The following MGMT variants were observed in gnomAD, a reference collection of about 807,000 sequenced individuals.
The protein encoded by MGMT is O-6-methylguanine-DNA methyltransferase.
Under a neutral mutation model 15.9 loss-of-function variants are expected in MGMT, and 14 were observed. That is an observed-to-expected ratio of 0.88 (90% CI 0.58 to 1.37). The LOEUF (loss-of-function observed/expected upper bound fraction) is 1.37, where lower values mean the gene tolerates loss of function less well. MGMT is among the 40% of genes most tolerant of loss of function. MGMT has a pLI of 0.00. For missense variants in MGMT, 282 were observed against 268.1 expected (o/e 1.05, Z -0.36); for synonymous variants, 130 against 118.2 (o/e 1.10, Z -0.65).
intron 2 of MGMT, among the ~76,000 whole-genome samples, chr10:129,544,247 G>A (rs1380289054): frequency 1.3e-5 from 2 of 152,210 alleles, no homozygotes; most frequent in Admixed American, 1.3e-4. Flanking sequence ...TACATTGTAT[G>A]CTGTGCAGGC....
At chr10:129,752,682 T>C (rs1326990577) in intron 3 of MGMT, among the ~76,000 whole-genome samples, 1 of 152,098 alleles carries the variant, frequency 6.6e-6, no homozygotes, top group Non-Finnish European at 1.5e-5. Context: ...TTAGAATCAC[T>C]GTTTTACCTT....
At chr10:129,706,591 C>T (rs767438180) in intron 2 of MGMT, among the ~76,000 whole-genome samples, 8 of 152,136 alleles carry the variant, frequency 5.3e-5, no homozygotes, top group Non-Finnish European at 1.2e-4. Context: ...TGGGAAGTCC[C>T]GGGGAAGCAT....
intron 4 of MGMT, among the ~76,000 whole-genome samples, chr10:129,764,295 C>T (rs1283975881): frequency 6.6e-6 from 1 of 152,184 alleles, no homozygotes; most frequent in Non-Finnish European, 1.5e-5. Flanking sequence ...CATGGGCACA[C>T]CCGCTCCCAG....
intron 3 of MGMT, among the ~76,000 whole-genome samples, chr10:129,740,621 G>A (rs900126442): frequency 1.3e-5 from 2 of 152,226 alleles, no homozygotes; most frequent in African/African-American, 4.8e-5. Flanking sequence ...CGACAGGACA[G>A]CGTTCTAGGA....
At chr10:129,565,296 A>G (rs949956996) in intron 2 of MGMT, among the ~76,000 whole-genome samples, 4 of 152,050 alleles carry the variant, frequency 2.6e-5, no homozygotes, top group Admixed American at 2.6e-4. Flanking sequence ...AGACAGTAAA[A>G]AAAAAAAAAA....
intron 2 of MGMT, among the ~76,000 whole-genome samples, chr10:129,594,057 C>T (rs1362763845): frequency 6.6e-6 from 1 of 152,172 alleles, no homozygotes; most frequent in African/African-American, 2.4e-5. Flanking sequence ...TGGCAAGTCC[C>T]TGTTTATGCG....
At chr10:129,746,164 G>A (rs1015320041) in intron 3 of MGMT, among the ~76,000 whole-genome samples, 4 of 150,984 alleles carry the variant, frequency 2.6e-5, no homozygotes, top group Admixed American at 6.6e-5. Flanking sequence ...GCGTGAACCC[G>A]GGAGGCAGAG....
chr10:129,648,695 A>G (rs540492522), intron 2 of MGMT, among the ~76,000 whole-genome samples: 1 of 152,102 alleles, frequency 6.6e-6, no homozygotes, highest in South Asian at 2.1e-4. Flanking sequence ...GCAGTGTTCC[A>G]GGGGATAAAA....
chr10:129,609,287 G>A (rs1004747892), intron 2 of MGMT, among the ~76,000 whole-genome samples: 2 of 151,686 alleles, frequency 1.3e-5, no homozygotes, highest in African/African-American at 4.9e-5. Context: ...GGAATCGTTG[G>A]CCCGATCTGG....
chr10:129,573,461 G>A (rs957850173), intron 2 of MGMT, among the ~76,000 whole-genome samples: 2 of 151,930 alleles, frequency 1.3e-5, no homozygotes, highest in Non-Finnish European at 2.9e-5. Context: ...CCTTCCTATG[G>A]CTTCTAAATT....
intron 2 of MGMT, among the ~76,000 whole-genome samples, chr10:129,649,749 G>C (rs1313105848): frequency 6.6e-6 from 1 of 152,152 alleles, no homozygotes; most frequent in East Asian, 1.9e-4. Context: ...AGCAGTATTT[G>C]CCTGTAAGAA....
intron 3 of MGMT, among the ~76,000 whole-genome samples, chr10:129,727,985 A>T (rs13377140): frequency 0.18 from 26,778 of 152,056 alleles, 2,947 homozygotes; most frequent in Middle Eastern, 0.36. Context: ...GGAGGGTGTG[A>T]GGAGGGGCTG....
At chr10:129,480,925 G>A (rs187272122) in intron 1 of MGMT, among the ~76,000 whole-genome samples, 6 of 152,276 alleles carry the variant, frequency 3.9e-5, no homozygotes, top group Admixed American at 3.3e-4. Flanking sequence ...TGCCATTTGC[G>A]GAGCCCTCCT....
At chr10:129,664,820 A>G (rs1056824070) in intron 2 of MGMT, among the ~76,000 whole-genome samples, 8 of 152,248 alleles carry the variant, frequency 5.3e-5, no homozygotes, top group African/African-American at 1.4e-4. Flanking sequence ...AAGAATGCAT[A>G]TAAATGGAAG....
At chr10:129,548,913 G>C (rs373965168) in intron 2 of MGMT, among the ~76,000 whole-genome samples, 205 of 152,336 alleles carry the variant, frequency 1.3e-3, no homozygotes, top group African/African-American at 4.8e-3. Flanking sequence ...AGATGGGCTG[G>C]AGGTGTGAGC....
intron 3 of MGMT, among the ~76,000 whole-genome samples, chr10:129,715,997 A>C (rs755161228): frequency 1.1e-4 from 16 of 152,124 alleles, no homozygotes; most frequent in Non-Finnish European, 2.4e-4. Context: ...CGGTCAGTGT[A>C]GCTTCTGAGG....
intron 2 of MGMT, among the ~76,000 whole-genome samples, chr10:129,585,501 G>A (rs540179799): frequency 1.6e-4 from 25 of 152,242 alleles, no homozygotes; most frequent in Non-Finnish European, 2.9e-4. Context: ...ACTAACATCC[G>A]CAGGTGCTCA....
At chr10:129,521,679 T>C (rs1845812392) in intron 1 of MGMT, among the ~76,000 whole-genome samples, 1 of 152,166 alleles carries the variant, frequency 6.6e-6, no homozygotes, top group Admixed American at 6.5e-5. Context: ...GGAGGGAGCG[T>C]CTACCTGCTG....
intron 2 of MGMT, chr10:129,536,599 G>A (rs1845988011): frequency 1.9e-6 from 1 of 520,724 alleles, no homozygotes; most frequent in Non-Finnish European, 3.3e-6. Context: ...ATGAACCCAG[G>A]GCCGTTCCCT....
Sources: gnomAD v4.1 joint callset for allele counts (sites outside exome capture counted in the v4.1 genomes callset) on GRCh38, gnomAD v4.1.1 for gene constraint, MANE v1.5 for transcripts, NCBI Gene and HGNC (gene_info 2026-07-23, HGNC 2026-07-21) for gene names.